The following GALNT7 variants were observed in gnomAD, a reference collection of about 807,000 sequenced individuals.
The protein encoded by GALNT7 is N-acetylgalactosaminyltransferase 7.
Under a neutral mutation model 82.1 loss-of-function variants are expected in GALNT7, and 60 were observed. The ratio of observed to expected loss-of-function variants is 0.73; its 90% CI spans 0.59 to 0.91. The LOEUF is 0.91. Among genes scored for constraint, GALNT7 ranks in the 40% least tolerant of loss-of-function variants. GALNT7 has a pLI of 0.00. For missense variants in GALNT7, 660 were observed against 804.2 expected, an observed-to-expected ratio of 0.82 and a Z score of 2.17; for synonymous variants, 243 against 275.1, an observed-to-expected ratio of 0.88 and a Z score of 1.15.
At chr4:173,283,008 A>G (rs554428522) in intron 2 of GALNT7, among the ~76,000 whole-genome samples, 1 of 152,286 alleles carries the variant, frequency 6.6e-6, no homozygotes, top group East Asian at 1.9e-4. Flanking sequence ...TTTTGACATT[A>G]CCCATCCCTT....
intron 2 of GALNT7, among the ~76,000 whole-genome samples, chr4:173,263,915 C>T (rs1156466725): frequency 6.6e-6 from 1 of 152,152 alleles, no homozygotes; most frequent in Non-Finnish European, 1.5e-5. Flanking sequence ...TGTGGTCAGA[C>T]ATTAGTCTGA....
intron 1 of GALNT7, among the ~76,000 whole-genome samples, chr4:173,246,205 T>C (rs1734628717): frequency 6.6e-6 from 1 of 152,258 alleles, no homozygotes; most frequent in Non-Finnish European, 1.5e-5. Context: ...TCTGGTGGAA[T>C]GCAATTGATT....
intron 1 of GALNT7, among the ~76,000 whole-genome samples, chr4:173,174,242 G>A (rs944608122): frequency 2.6e-5 from 4 of 152,070 alleles, no homozygotes; most frequent in African/African-American, 9.7e-5. Context: ...AATTAATGCA[G>A]AACTTTTGCA....
chr4:173,169,219 G>GCCGCGGCAGCGGCTCGGGCGGCCGCTCT (rs1348202465), intron 1 of GALNT7: 3 of 151,954 alleles, frequency 2.0e-5, no homozygotes, highest in Non-Finnish European at 2.9e-5. Context: ...CACCCGCGCT[G>GCCGCGGCAGCGGCTCGGGCGGCCGCTCT]CCGCGGCAGC....
At chr4:173,259,122 C>T (rs1294261130) in intron 2 of GALNT7, among the ~76,000 whole-genome samples, 1 of 152,176 alleles carries the variant, frequency 6.6e-6, no homozygotes, top group Non-Finnish European at 1.5e-5. Context: ...GGGGCAAAAT[C>T]ACCCCTGATT....
intron 11 of GALNT7, 36 bp from the exon 12 acceptor site, chr4:173,321,544 C>T: frequency 6.4e-7 from 1 of 1,550,920 alleles, no homozygotes; most frequent in Non-Finnish European, 8.9e-7. Context: ...TATCAAGGGT[C>T]CAAATTTGAA....
At chr4:173,218,641 T>C (rs1733546055) in intron 1 of GALNT7, among the ~76,000 whole-genome samples, 1 of 152,208 alleles carries the variant, frequency 6.6e-6, no homozygotes, top group Non-Finnish European at 1.5e-5. Context: ...TAAGCATTGC[T>C]ATTCACATTG....
At position 173,317,041 on chromosome 4, in the gene GALNT7, T is replaced by G. The variant is rs184264083; in HGVS notation, c.1609-593T>G. 41 of 152,476 alleles carry G rather than the reference T, an allele frequency of 2.7e-4. 1 individual carries two copies. The East Asian group carries it at 5.2e-3, about 19-fold the overall frequency. 9.4% of individuals were successfully genotyped at this position (152,476 alleles called of 1,614,324 possible). ...ATTTTATCCAAATAGTATAGCGATT[T>G]ATAATTCAGAGAAATAAATGGCTTT... On this transcript the variant is annotated intron_variant, in intron 9 of 11. Coordinates refer to ENST00000265000, the MANE Select transcript of GALNT7 (RefSeq NM_017423.3).
At position 173,248,361 on chromosome 4, in the gene GALNT7, A is replaced by G; in HGVS notation, c.508A>G (p.Ile170Val). 6.2e-7 allele frequency: 1 copy of G among 1,613,924 alleles called. No individual in the cohort carries two copies. The highest frequency in any genetic ancestry group is 8.5e-7 in the Non-Finnish European group (1 of 1,179,844). ...PEFKQAIQAS[I>V]KEFGFNMVAS... ...ATTCAAACAAGCAATTCAAGCCAGC[A>G]TTAAAGAGTTTGGATTTAACATGGT... is the stretch of plus-strand genomic sequence containing the variant. Residue 170 changes from isoleucine (I) to valine (V), a missense_variant, in exon 2 of 12, where the codon ATT becomes GTT. Transcript: ENST00000265000.
chr4:173,291,315 A>G (rs1736524209), intron 2 of GALNT7, among the ~76,000 whole-genome samples: 1 of 152,220 alleles, frequency 6.6e-6, no homozygotes, highest in Admixed American at 6.5e-5. Context: ...GTTTCTCTCC[A>G]GAAACATTAC....
chr4:173,189,192 C>A (rs781748720), intron 1 of GALNT7, among the ~76,000 whole-genome samples: 1 of 152,210 alleles, frequency 6.6e-6, no homozygotes, highest in Non-Finnish European at 1.5e-5. Context: ...AAAAAGATTT[C>A]TGTTTACAGT....
chr4:173,322,308 AG>A lies in GALNT7; in HGVS notation c.*593del, dbSNP rs1266804832. ...TTCAAGAGCTTGTGATGAAATCTAT[AG>A]GATGGTAATGATGGACTTGTCACCT... is the stretch of plus-strand genomic sequence containing the variant. On this transcript the variant is annotated 3_prime_UTR_variant, in exon 12 of 12. Transcript: ENST00000265000. 2 of 152,870 alleles carry A rather than the reference AG, an allele frequency of 1.3e-5. No homozygotes were observed. Among genetic ancestry groups the A allele is most frequent in the Middle Eastern group, 3.2e-3 (1 of 316 alleles). 9.5% of individuals were successfully genotyped at this position (152,870 alleles called of 1,614,324 possible).
chr4:173,290,730 C>T (rs1170020285), intron 2 of GALNT7, among the ~76,000 whole-genome samples: 1 of 152,202 alleles, frequency 6.6e-6, no homozygotes, highest in Non-Finnish European at 1.5e-5. Flanking sequence ...AAGAAAAACA[C>T]ATACCAATAG....
intron 1 of GALNT7, among the ~76,000 whole-genome samples, chr4:173,231,699 A>G (rs1284106936): frequency 2.0e-5 from 3 of 152,168 alleles, no homozygotes; most frequent in Non-Finnish European, 4.4e-5. Flanking sequence ...CCAAAAATCC[A>G]TCTAAAAAAC....
intron 6 of GALNT7, among the ~76,000 whole-genome samples, chr4:173,300,637 A>G (rs936004768): frequency 6.6e-6 from 1 of 152,048 alleles, no homozygotes; most frequent in Non-Finnish European, 1.5e-5. Flanking sequence ...AAGAGAGTCC[A>G]TGGTGAGCCC....
At chr4:173,288,282 C>CA (rs70944442) in intron 2 of GALNT7, among the ~76,000 whole-genome samples, 755 of 62,642 alleles carry the variant, frequency 0.012, 15 homozygotes, top group East Asian at 0.03. Context: ...GACTCCATCT[C>CA]AAAAAAAAAA....
At chr4:173,220,330 A>T (rs541228131) in intron 1 of GALNT7, among the ~76,000 whole-genome samples, 1 of 152,008 alleles carries the variant, frequency 6.6e-6, no homozygotes, top group Non-Finnish European at 1.5e-5. Context: ...TGGGTTTTCT[A>T]TTCTGTTCTG....
At chr4:173,272,595 T>C (rs1416515948) in intron 2 of GALNT7, among the ~76,000 whole-genome samples, 2 of 152,186 alleles carry the variant, frequency 1.3e-5, no homozygotes, top group African/African-American at 4.8e-5. Context: ...AAAATTACAA[T>C]GAAGCAGAGA....
intron 1 of GALNT7, among the ~76,000 whole-genome samples, chr4:173,234,113 G>A (rs150510587): frequency 5.9e-5 from 9 of 152,228 alleles, no homozygotes; most frequent in Admixed American, 1.3e-4. Flanking sequence ...ATAGTTCACC[G>A]TGCCCTGTGT....
Sources: gnomAD v4.1 joint callset for allele counts (sites outside exome capture counted in the v4.1 genomes callset) on GRCh38, gnomAD v4.1.1 for gene constraint, MANE v1.5 for transcripts, NCBI Gene and HGNC (gene_info 2026-07-23, HGNC 2026-07-21) for gene names.